The following SPHKAP variants were observed in gnomAD, a reference collection of about 807,000 sequenced individuals.
SPHKAP encodes the protein SPHK1 interactor, AKAP domain containing, also known as A-kinase anchor protein SPHKAP.
SPHKAP carries 67 observed loss-of-function variants against 137.5 expected under a neutral mutation model. The ratio of observed to expected loss-of-function variants is 0.49; its 90% CI spans 0.40 to 0.60. The LOEUF is 0.60. Ranked by LOEUF, SPHKAP falls within the 20% of genes least tolerant of loss-of-function variation. The pLI is 0.00. For synonymous variants in SPHKAP, 813 were observed against 785.3 expected (o/e 1.04, Z -0.59); for missense variants, 2,097 against 2,069.3 (o/e 1.01, Z -0.26).
At chr2:228,132,752 C>G (rs1249344173) in intron 1 of SPHKAP, among the ~76,000 whole-genome samples, 1 of 151,258 alleles carries the variant, frequency 6.6e-6, no homozygotes, top group Non-Finnish European at 1.5e-5. Context: ...AATCACAACA[C>G]TTTGGGAAGC....
chr2:228,155,352 A>G (rs1213837555), intron 1 of SPHKAP, among the ~76,000 whole-genome samples: 8 of 152,214 alleles, frequency 5.3e-5, no homozygotes, highest in Admixed American at 5.2e-4. Context: ...CATAACCTAT[A>G]TGCAACTATT....
chr2:228,071,210 A>G (rs4500939), intron 3 of SPHKAP, among the ~76,000 whole-genome samples: 32,035 of 152,144 alleles, frequency 0.21, 3,676 homozygotes, highest in East Asian at 0.39. Flanking sequence ...TAGTTTGCCT[A>G]TCCCTTCCTG....
At chr2:228,004,581 T>C (rs1418899011) in intron 7 of SPHKAP, among the ~76,000 whole-genome samples, 1 of 152,248 alleles carries the variant, frequency 6.6e-6, no homozygotes, top group East Asian at 1.9e-4. Flanking sequence ...ATCTTAGTTA[T>C]TTCTTGCCTT....
intron 3 of SPHKAP, among the ~76,000 whole-genome samples, chr2:228,062,671 T>G (rs1229557369): frequency 1.3e-5 from 2 of 152,132 alleles, no homozygotes; most frequent in Non-Finnish European, 2.9e-5. Flanking sequence ...TTTTATTTTG[T>G]GAAAGTAAGT....
chr2:228,170,146 A>G (rs1486136490), intron 1 of SPHKAP, among the ~76,000 whole-genome samples: 1 of 152,122 alleles, frequency 6.6e-6, no homozygotes, highest in African/African-American at 2.4e-5. Context: ...ATATGACTTA[A>G]TTGCTGCAAT....
At chr2:228,086,064 G>A (rs4530360) in intron 3 of SPHKAP, among the ~76,000 whole-genome samples, 115,646 of 151,992 alleles carry the variant, frequency 0.76, 44,121 homozygotes, top group African/African-American at 0.81. Context: ...CATGTAATAT[G>A]AAGTGAAAAG....
chr2:228,024,736 C>T (rs1694968131), intron 5 of SPHKAP, among the ~76,000 whole-genome samples: 1 of 151,976 alleles, frequency 6.6e-6, no homozygotes, highest in South Asian at 2.1e-4. Context: ...CTGTAATATA[C>T]TTTATGTGTA....
At chr2:228,045,960 T>C (rs144498430) in intron 3 of SPHKAP, among the ~76,000 whole-genome samples, 1 of 152,132 alleles carries the variant, frequency 6.6e-6, no homozygotes, top group African/African-American at 2.4e-5. Flanking sequence ...AACTTTCAGT[T>C]TTAAGATGAA....
At chr2:228,096,764 A>G (rs1697998842) in intron 3 of SPHKAP, among the ~76,000 whole-genome samples, 1 of 151,998 alleles carries the variant, frequency 6.6e-6, no homozygotes. Flanking sequence ...AAAGAAGTGT[A>G]ATATGTAAGT....
At chr2:228,148,158 G>T (rs1048002958) in intron 1 of SPHKAP, among the ~76,000 whole-genome samples, 2 of 152,160 alleles carry the variant, frequency 1.3e-5, no homozygotes, top group African/African-American at 4.8e-5. Flanking sequence ...GCAGACAGGA[G>T]TGAGGGTTAG....
intron 3 of SPHKAP, among the ~76,000 whole-genome samples, chr2:228,104,260 TC>T (rs1698266563): frequency 7.8e-6 from 1 of 128,634 alleles, no homozygotes; most frequent in African/African-American, 2.9e-5. Flanking sequence ...ATTATATATA[TC>T]ATTATATTAT....
At chr2:228,122,208 C>A (rs1464832312) in intron 2 of SPHKAP, among the ~76,000 whole-genome samples, 1 of 152,100 alleles carries the variant, frequency 6.6e-6, no homozygotes, top group South Asian at 2.1e-4. Context: ...AGATCACTTG[C>A]CTAGTTCCAG....
At chr2:228,150,623 C>CTT (rs71299664) in intron 1 of SPHKAP, among the ~76,000 whole-genome samples, 1 of 120,612 alleles carries the variant, frequency 8.3e-6, no homozygotes, top group African/African-American at 2.6e-5. Context: ...ATGATGTTTA[C>CTT]TTTTTTTTTC....
At chr2:228,007,442 T>G (rs928787943) in intron 7 of SPHKAP, among the ~76,000 whole-genome samples, 2 of 152,126 alleles carry the variant, frequency 1.3e-5, no homozygotes, top group Non-Finnish European at 2.9e-5. Flanking sequence ...GCTTTTTACC[T>G]ATTGACTAGA....
At chr2:228,172,999 G>A (rs1700630494) in intron 1 of SPHKAP, 1 of 981,498 alleles carries the variant, frequency 1.0e-6, no homozygotes, top group South Asian at 4.7e-5. Context: ...TTGCTGAATA[G>A]CATTAATGAC....
chr2:228,036,357 G>A (rs1295006941), intron 3 of SPHKAP, among the ~76,000 whole-genome samples: 1 of 152,130 alleles, frequency 6.6e-6, no homozygotes, highest in African/African-American at 2.4e-5. Context: ...CAGTTAGAAT[G>A]GCAATCATTA....
intron 3 of SPHKAP, among the ~76,000 whole-genome samples, chr2:228,095,799 A>G (rs956251057): frequency 1.3e-5 from 2 of 152,232 alleles, no homozygotes; most frequent in Non-Finnish European, 2.9e-5. Flanking sequence ...ATGCAAGAAT[A>G]TAAGAGTGTA....
chr2:228,054,570 G>T (rs1162855545), intron 3 of SPHKAP, among the ~76,000 whole-genome samples: 1 of 151,946 alleles, frequency 6.6e-6, no homozygotes, highest in African/African-American at 2.4e-5. Context: ...GAAGAGAGGA[G>T]ATTCAGAATT....
intron 7 of SPHKAP, among the ~76,000 whole-genome samples, chr2:228,006,146 G>A (rs1040042101): frequency 6.6e-6 from 1 of 152,144 alleles, no homozygotes. Flanking sequence ...TTCCAAGTCG[G>A]TTCCATTCTC....
Sources: allele counts gnomAD v4.1 joint callset (sites outside exome capture counted in the v4.1 genomes callset), GRCh38; gene constraint gnomAD v4.1.1; transcripts MANE v1.5; gene names NCBI Gene and HGNC (gene_info 2026-07-23, HGNC 2026-07-21).